PTPDC1: variants seen among roughly 807,000 people sequenced by gnomAD.
The protein encoded by PTPDC1 is protein tyrosine phosphatase domain containing 1.
In PTPDC1, 53 loss-of-function variants were observed where a neutral mutation model predicts 75.3. The observed-to-expected ratio is 0.70, with a 90% CI of 0.56 to 0.88. PTPDC1 has a LOEUF of 0.88. PTPDC1 is among the 40% of genes least tolerant of loss of function. The probability of loss-of-function intolerance (pLI) is 0.00; values close to 1 mark genes in which losing one functional copy is unlikely to be tolerated. For missense variants in PTPDC1, 925 were observed against 998.6 expected, an observed-to-expected ratio of 0.93 and a Z score of 0.99; for synonymous variants, 349 against 366.2, an observed-to-expected ratio of 0.95 and a Z score of 0.54.
chr9:94,086,040 G>T (rs1050622104), intron 2 of PTPDC1, among the ~76,000 whole-genome samples: 2 of 152,154 alleles, frequency 1.3e-5, no homozygotes, highest in East Asian at 3.9e-4. Flanking sequence ...GAAAAATTCT[G>T]ATAAATCACA....
chr9:94,083,673 A>G (rs1826967177), upstream of PTPDC1, among the ~76,000 whole-genome samples: 1 of 152,116 alleles, frequency 6.6e-6, no homozygotes, highest in South Asian at 2.1e-4. Context: ...CCTCCCCCTC[A>G]TCTAGTTCCT....
In PTPDC1 at chr9:94,098,249, C is replaced by T. The variant is rs1455751846; in HGVS notation, c.1683C>T (p.Ser561=). 6.2e-7 allele frequency: 1 copy of T among 1,614,088 alleles called. No homozygotes were observed. Among genetic ancestry groups the T allele is most frequent in the Non-Finnish European group, 8.5e-7 (1 of 1,180,042 alleles). Residue 561 remains serine, a synonymous_variant, in exon 6 of 9, where the codon AGC becomes AGT. Transcript: ENST00000620992. ...SHSPGEPVSP[S]FANVHKDPNP... ...GCCCTGGGGAGCCAGTTTCACCCAGCTTTGCAAATGTCCATAAGGATCCAA... is the reference window on the plus strand; with the variant it reads ...GCCCTGGGGAGCCAGTTTCACCCAGTTTTGCAAATGTCCATAAGGATCCAA...
chr9:94,055,492 G>A (rs1825904872), intron 1 of PTPDC1, among the ~76,000 whole-genome samples: 1 of 152,168 alleles, frequency 6.6e-6, no homozygotes, highest in Non-Finnish European at 1.5e-5. Flanking sequence ...GATGTATCCA[G>A]ACTATGGAAT....
At chr9:94,065,987 T>C (rs1240752001) in intron 2 of PTPDC1, among the ~76,000 whole-genome samples, 1 of 152,228 alleles carries the variant, frequency 6.6e-6, no homozygotes, top group East Asian at 1.9e-4. Flanking sequence ...CTTTCTTCTG[T>C]TGTAAATGTT....
chr9:94,059,697 G>A (rs1306444162), intron 1 of PTPDC1, among the ~76,000 whole-genome samples: 2 of 152,290 alleles, frequency 1.3e-5, no homozygotes, highest in South Asian at 2.1e-4. Context: ...TAAAGTGAGA[G>A]TTTAAATGGT....
chr9:94,037,681 A>G (rs1825313503), intron 1 of PTPDC1, among the ~76,000 whole-genome samples: 1 of 152,162 alleles, frequency 6.6e-6, no homozygotes, highest in Non-Finnish European at 1.5e-5. Context: ...ACTGGAACCC[A>G]GGAACAAAAT....
chr9:94,103,714 C>T (rs932919304), intron 7 of PTPDC1, among the ~76,000 whole-genome samples: 1 of 152,126 alleles, frequency 6.6e-6, no homozygotes, highest in Non-Finnish European at 1.5e-5. Context: ...GTAAACAGCC[C>T]CCAGGAGTCA....
chr9:94,097,286 T>C, intron 5 of PTPDC1, 35 bp from the exon 6 acceptor site: 1 of 1,360,190 alleles, frequency 7.4e-7, no homozygotes, highest in Non-Finnish European at 1.0e-6. Context: ...AATGTAAGCT[T>C]TTCTCATACC....
At chr9:94,076,818 T>A (rs1826710127) in intron 2 of PTPDC1, among the ~76,000 whole-genome samples, 1 of 151,892 alleles carries the variant, frequency 6.6e-6, no homozygotes, top group Non-Finnish European at 1.5e-5. Flanking sequence ...GGGCTCTCAT[T>A]TTTTTTTACA....
upstream of PTPDC1, among the ~76,000 whole-genome samples, chr9:94,082,946 CT>C (rs1826933875): frequency 6.6e-6 from 1 of 152,160 alleles, no homozygotes; most frequent in South Asian, 2.1e-4. Flanking sequence ...AAAGCAGTTA[CT>C]TTTGACTTTT....
chr9:94,036,506 C>T (rs1472553329), intron 1 of PTPDC1, among the ~76,000 whole-genome samples: 5 of 151,990 alleles, frequency 3.3e-5, no homozygotes, highest in Non-Finnish European at 7.4e-5. Flanking sequence ...AACATATATG[C>T]GTGGGTTTAT....
intron 4 of PTPDC1, among the ~76,000 whole-genome samples, chr9:94,091,361 C>T (rs1827311301): frequency 1.3e-5 from 2 of 152,066 alleles, no homozygotes; most frequent in African/African-American, 4.8e-5. Context: ...TTGTCTTTGG[C>T]TCTGTTTATA....
chr9:94,038,580 A>G (rs1226455966), intron 1 of PTPDC1, among the ~76,000 whole-genome samples: 1 of 152,244 alleles, frequency 6.6e-6, no homozygotes, highest in Non-Finnish European at 1.5e-5. Context: ...TACCCCTTCT[A>G]AAAATATAAT....
At chr9:94,060,491 G>A (rs185408362) in intron 1 of PTPDC1, among the ~76,000 whole-genome samples, 3 of 152,330 alleles carry the variant, frequency 2.0e-5, no homozygotes, top group Non-Finnish European at 4.4e-5. Flanking sequence ...AATAGTCATT[G>A]TGTTAGTCTG....
At chr9:94,077,341 T>C (rs1299636803) in intron 2 of PTPDC1, among the ~76,000 whole-genome samples, 1 of 152,164 alleles carries the variant, frequency 6.6e-6, no homozygotes, top group Admixed American at 6.5e-5. Context: ...TACCTAGAGA[T>C]AGTGTCAGAT....
chr9:94,052,229 G>A (rs148212911), intron 1 of PTPDC1, among the ~76,000 whole-genome samples: 1 of 152,190 alleles, frequency 6.6e-6, no homozygotes, highest in Non-Finnish European at 1.5e-5. Flanking sequence ...CTTAATCTAT[G>A]TGTTATTTAG....
chr9:94,088,135 T>C lies in PTPDC1; in HGVS notation c.498-10T>C, dbSNP rs1447497698. 4 of 1,610,624 alleles carry C rather than the reference T, an allele frequency of 2.5e-6. No individual in the cohort carries two copies. The Admixed American group carries it at 6.7e-5, about 27-fold the overall frequency. On this transcript the variant is annotated splice_polypyrimidine_tract_variant and intron_variant, in intron 3 of 8. Coordinates refer to ENST00000620992, the MANE Select transcript of PTPDC1 (RefSeq NM_001253829.2). The stretch of plus-strand genomic sequence containing the variant: ...CTCCCAATATGACTGACTGCCCTTT[T>C]TCCTTTAAGCCATGGCATAAAAACA...
intron 1 of PTPDC1, among the ~76,000 whole-genome samples, chr9:94,037,292 C>G (rs1365090048): frequency 6.6e-6 from 1 of 152,104 alleles, no homozygotes; most frequent in African/African-American, 2.4e-5. Context: ...GTTCCCAATA[C>G]TGTTTCCCAA....
At chr9:94,031,168 G>T (rs1056108792) in intron 1 of PTPDC1, 1 of 152,206 alleles carries the variant, frequency 6.6e-6, no homozygotes, top group Non-Finnish European at 1.5e-5. Flanking sequence ...ACTCAGTATG[G>T]TTCTTTCAGA....
Sources: allele counts gnomAD v4.1 joint callset (sites outside exome capture counted in the v4.1 genomes callset), GRCh38; gene constraint gnomAD v4.1.1; transcripts MANE v1.5; gene names NCBI Gene and HGNC (gene_info 2026-07-23, HGNC 2026-07-21).